The following KLF12 variants were observed in gnomAD, a reference collection of about 807,000 sequenced individuals.
KLF12 encodes the protein KLF transcription factor 12.
KLF12 carries 9 observed loss-of-function variants against 37.8 expected under a neutral mutation model. The observed-to-expected ratio is 0.24, with a 90% CI of 0.14 to 0.42. KLF12 has a LOEUF of 0.42. KLF12 is among the 10% of genes least tolerant of loss of function. KLF12 has a pLI of 1.00. For missense variants in KLF12, 411 were observed against 516.0 expected, an observed-to-expected ratio of 0.80 and a Z score of 1.97; for synonymous variants, 208 against 202.1, an observed-to-expected ratio of 1.03 and a Z score of -0.25.
chr13:73,829,915 C>T (rs1267390292), intron 4 of KLF12, among the ~76,000 whole-genome samples: 1 of 152,016 alleles, frequency 6.6e-6, no homozygotes, highest in Admixed American at 6.6e-5. Context: ...TGTAAATGGA[C>T]AAAACTGTAA....
In KLF12 at chr13:73,990,910, T is replaced by C. The variant is rs73526968; in HGVS notation, c.33+4080A>G. On this transcript the variant is annotated intron_variant, in intron 2 of 7. Transcript: ENST00000377669. ...TTTGTATGTATGTACACAGAGAAGC[T>C]ATAAATAATGTTCACCGAATATGAA... Among the ~76,000 whole-genome samples the C allele has an allele frequency of 4.6e-3, 699 of 152,296 alleles. 9 individuals are homozygous for C. The highest frequency in any genetic ancestry group is 0.016 in the African/African-American group (666 of 41,560).
intron 3 of KLF12, among the ~76,000 whole-genome samples, chr13:73,923,582 C>G (rs1889227598): frequency 6.6e-6 from 1 of 152,142 alleles, no homozygotes; most frequent in Admixed American, 6.5e-5. Flanking sequence ...TTTAATTGTT[C>G]CATTCCAGAA....
At chr13:73,977,685 T>C (rs531643011) in intron 2 of KLF12, among the ~76,000 whole-genome samples, 2 of 152,192 alleles carry the variant, frequency 1.3e-5, no homozygotes, top group East Asian at 1.9e-4. Context: ...AGAAGAACAA[T>C]GTTGAAGAAA....
chr13:74,101,466 C>G (rs115387589), intron 1 of KLF12, among the ~76,000 whole-genome samples: 2,209 of 152,200 alleles, frequency 0.015, 55 homozygotes, highest in African/African-American at 0.048. Context: ...AGCTGTCCAC[C>G]AAGAGGACTC....
chr13:74,051,341 A>AACACACACACACAC (rs10678885), intron 1 of KLF12, among the ~76,000 whole-genome samples: 3,843 of 143,700 alleles, frequency 0.027, 75 homozygotes, highest in Non-Finnish European at 0.041. Flanking sequence ...TACACACACA[A>AACACACACACACAC]ACACACACAC....
intron 1 of KLF12, among the ~76,000 whole-genome samples, chr13:74,104,854 C>G (rs1331829576): frequency 6.6e-6 from 1 of 152,134 alleles, no homozygotes; most frequent in Non-Finnish European, 1.5e-5. Context: ...ATACTTGAAA[C>G]TTAAACTAGT....
chr13:74,206,207 G>T, the KLF12 span, among the ~76,000 whole-genome samples: 3 of 151,958 alleles, frequency 2.0e-5, no homozygotes, highest in Admixed American at 1.3e-4. Context: ...TCTTATTTTA[G>T]AATCCATTAA....
intron 2 of KLF12, among the ~76,000 whole-genome samples, chr13:73,974,257 T>A (rs2138129648): frequency 6.7e-6 from 1 of 150,352 alleles, no homozygotes; most frequent in Admixed American, 6.6e-5. Context: ...CAGGAAAAAT[T>A]GTTACAGAAT....
At chr13:73,762,978 C>T (rs1879666395) in intron 6 of KLF12, among the ~76,000 whole-genome samples, 2 of 152,142 alleles carry the variant, frequency 1.3e-5, no homozygotes, top group African/African-American at 2.4e-5. Flanking sequence ...TCCATGTATG[C>T]TCCTACTAGA....
chr13:73,969,113 C>T (rs1368493770), intron 2 of KLF12, among the ~76,000 whole-genome samples: 2 of 151,614 alleles, frequency 1.3e-5, no homozygotes, highest in East Asian at 3.9e-4. Context: ...CAAGAGCATG[C>T]TGGGTGGGTG....
At chr13:74,037,791 T>A (rs188046826) in intron 1 of KLF12, among the ~76,000 whole-genome samples, 1 of 152,304 alleles carries the variant, frequency 6.6e-6, no homozygotes, top group Admixed American at 6.5e-5. Flanking sequence ...TGAGGGATGA[T>A]CTGTGGACTG....
chr13:73,745,714 C>G (rs549559604), intron 6 of KLF12, among the ~76,000 whole-genome samples: 8 of 152,208 alleles, frequency 5.3e-5, no homozygotes, highest in South Asian at 2.1e-4. Context: ...TTAATAATCA[C>G]AAATTTGCAA....
chr13:73,867,671 CACA>C (rs1886247282), intron 3 of KLF12, among the ~76,000 whole-genome samples: 1 of 152,020 alleles, frequency 6.6e-6, no homozygotes, highest in Non-Finnish European at 1.5e-5. Context: ...CTATCCAATA[CACA>C]GTGTTTTTCA....
intron 4 of KLF12, among the ~76,000 whole-genome samples, chr13:73,827,548 T>G (rs915331894): frequency 6.6e-6 from 1 of 152,078 alleles, no homozygotes; most frequent in Non-Finnish European, 1.5e-5. Flanking sequence ...GGTCCAGAAT[T>G]TTTTATTTCT....
At chr13:73,826,206 C>T (rs1379762884) in intron 4 of KLF12, among the ~76,000 whole-genome samples, 1 of 152,018 alleles carries the variant, frequency 6.6e-6, no homozygotes, top group Non-Finnish European at 1.5e-5. Context: ...ATCTCCTGAC[C>T]TCGTGATCTG....
At chr13:73,893,579 A>T (rs1483493665) in intron 3 of KLF12, among the ~76,000 whole-genome samples, 3 of 151,808 alleles carry the variant, frequency 2.0e-5, no homozygotes, top group Non-Finnish European at 2.9e-5. Context: ...AAGGGGTTTC[A>T]CCATGTTGGC....
At chr13:74,035,985 A>G (rs892495177) in intron 1 of KLF12, among the ~76,000 whole-genome samples, 2 of 152,186 alleles carry the variant, frequency 1.3e-5, no homozygotes, top group Non-Finnish European at 2.9e-5. Flanking sequence ...TAGTGGTAGA[A>G]GGACTTGAAC....
At chr13:73,977,111 C>T (rs2138150046) in intron 2 of KLF12, among the ~76,000 whole-genome samples, 1 of 150,514 alleles carries the variant, frequency 6.6e-6, no homozygotes, top group South Asian at 2.1e-4. Flanking sequence ...AGTCCGGTGG[C>T]ATGATCTCGA....
chr13:74,112,384 T>TTGTGTGTGTGTGTGTGTGTGTGTG (rs67487546), intron 1 of KLF12, among the ~76,000 whole-genome samples: 1 of 145,166 alleles, frequency 6.9e-6, no homozygotes, highest in African/African-American at 2.6e-5. Context: ...TTTGCAGATA[T>TTGTGTGTGTGTGTGTGTGTGTGTG]TGTCTGTGTG....
Sources: allele counts gnomAD v4.1 joint callset (sites outside exome capture counted in the v4.1 genomes callset), GRCh38; gene constraint gnomAD v4.1.1; transcripts MANE v1.5; gene names NCBI Gene and HGNC (gene_info 2026-07-23, HGNC 2026-07-21).